The following NTNG1 variants were observed in gnomAD, a reference collection of about 807,000 sequenced individuals.
NTNG1 encodes netrin-G1.
A neutral mutation model predicts 54.0 loss-of-function variants in NTNG1; 16 were observed. The ratio of observed to expected loss-of-function variants is 0.30; its 90% CI spans 0.20 to 0.45. The LOEUF is 0.45. NTNG1 is among the 20% of genes least tolerant of loss of function. The probability of loss-of-function intolerance (pLI) is 1.00; values close to 1 mark genes in which losing one functional copy is unlikely to be tolerated. For missense variants in NTNG1, 530 were observed against 678.7 expected (o/e 0.78, Z 2.43); for synonymous variants, 255 against 263.1 (o/e 0.97, Z 0.30).
intron 2 of NTNG1, among the ~76,000 whole-genome samples, chr1:107,309,140 A>G (rs995514161): frequency 1.2e-4 from 18 of 151,934 alleles, no homozygotes; most frequent in African/African-American, 4.4e-4. Context: ...CCTCCAATCT[A>G]TCCTCCTTTC....
At chr1:107,316,631 T>G (rs1667354525) in intron 2 of NTNG1, among the ~76,000 whole-genome samples, 1 of 152,184 alleles carries the variant, frequency 6.6e-6, no homozygotes, top group Admixed American at 6.5e-5. Context: ...AAAATTACAT[T>G]GAATTATGTA....
At chr1:107,319,866 T>TATATAC (rs1667555561) in intron 2 of NTNG1, among the ~76,000 whole-genome samples, 1 of 20,382 alleles carries the variant, frequency 4.9e-5, no homozygotes, top group Non-Finnish European at 1.8e-4. Flanking sequence ...ACCTGAGGTT[T>TATATAC]ATATATATAT....
chr1:107,341,771 C>A (rs1668910250), intron 3 of NTNG1, among the ~76,000 whole-genome samples: 1 of 152,062 alleles, frequency 6.6e-6, no homozygotes, highest in African/African-American at 2.4e-5. Context: ...TTTGGGATTT[C>A]TTTTTCATAG....
intron 2 of NTNG1, among the ~76,000 whole-genome samples, chr1:107,178,704 G>A (rs1364389982): frequency 6.6e-6 from 1 of 152,178 alleles, no homozygotes; most frequent in Non-Finnish European, 1.5e-5. Flanking sequence ...CCACAATTCA[G>A]AAGGCACAGT....
chr1:107,314,542 GA>G (rs1363205148), intron 2 of NTNG1, among the ~76,000 whole-genome samples: 2 of 152,132 alleles, frequency 1.3e-5, no homozygotes, highest in Admixed American at 1.3e-4. Context: ...CTACATATAT[GA>G]GTTAACATAG....
chr1:107,288,913 A>G (rs1665394554), intron 2 of NTNG1, among the ~76,000 whole-genome samples: 1 of 152,158 alleles, frequency 6.6e-6, no homozygotes, highest in Non-Finnish European at 1.5e-5. Flanking sequence ...TTCATAGATA[A>G]AGGTCAAGAT....
chr1:107,456,028 GATAGAACGATTCCCCAGGTC>G (rs1676935154), intron 7 of NTNG1, among the ~76,000 whole-genome samples: 1 of 152,158 alleles, frequency 6.6e-6, no homozygotes. Flanking sequence ...TTCGAGAAGG[GATAGAACGATTCCCCAGGTC>G]ATAACACAGT....
intron 5 of NTNG1, among the ~76,000 whole-genome samples, chr1:107,415,878 A>G (rs971304401): frequency 4.6e-5 from 7 of 152,148 alleles, no homozygotes; most frequent in Admixed American, 3.9e-4. Context: ...AATATGCTTA[A>G]TTTACTTCTG....
intron 2 of NTNG1, among the ~76,000 whole-genome samples, chr1:107,251,411 C>A (rs773288193): frequency 1.3e-5 from 2 of 151,974 alleles, no homozygotes; most frequent in Non-Finnish European, 2.9e-5. Flanking sequence ...GGCTTTTAAA[C>A]TTTTTTTTAA....
chr1:107,158,074 C>G (rs1256264061), intron 2 of NTNG1, among the ~76,000 whole-genome samples: 3 of 152,114 alleles, frequency 2.0e-5, no homozygotes, highest in African/African-American at 7.2e-5. Context: ...TTGTCATTTA[C>G]TCTCAGGCAA....
intron 2 of NTNG1, among the ~76,000 whole-genome samples, chr1:107,297,922 T>C (rs981303672): frequency 3.9e-5 from 6 of 152,102 alleles, no homozygotes; most frequent in African/African-American, 9.7e-5. Flanking sequence ...AAGAAGAGCA[T>C]GCTACATAAT....
At chr1:107,347,382 G>A (rs560974452) in intron 3 of NTNG1, among the ~76,000 whole-genome samples, 10 of 152,182 alleles carry the variant, frequency 6.6e-5, no homozygotes, top group Non-Finnish European at 1.5e-4. Flanking sequence ...GGGCATGGTG[G>A]TGGGTGCCTG....
At chr1:107,182,770 G>T (rs1408508998) in intron 2 of NTNG1, among the ~76,000 whole-genome samples, 1 of 152,114 alleles carries the variant, frequency 6.6e-6, no homozygotes, top group Non-Finnish European at 1.5e-5. Context: ...GCATAGCATG[G>T]ATGGCAACCT....
At chr1:107,458,097 A>T (rs1394422641) in intron 7 of NTNG1, among the ~76,000 whole-genome samples, 1 of 152,166 alleles carries the variant, frequency 6.6e-6, no homozygotes, top group East Asian at 1.9e-4. Flanking sequence ...AGTGTAATTC[A>T]CCATATGCCT....
At chr1:107,169,543 G>A (rs111390062) in intron 2 of NTNG1, among the ~76,000 whole-genome samples, 146 of 152,072 alleles carry the variant, frequency 9.6e-4, no homozygotes, top group African/African-American at 3.3e-3. Context: ...AACCTCTAAT[G>A]GTGAAGGCCT....
At chr1:107,359,684 T>C (rs1670146833) in intron 3 of NTNG1, among the ~76,000 whole-genome samples, 1 of 152,132 alleles carries the variant, frequency 6.6e-6, no homozygotes, top group Admixed American at 6.5e-5. Flanking sequence ...TTTCTGTGAT[T>C]AGAAAACCTA....
intron 2 of NTNG1, among the ~76,000 whole-genome samples, chr1:107,180,043 T>A (rs1656953542): frequency 6.6e-6 from 1 of 152,194 alleles, no homozygotes; most frequent in Non-Finnish European, 1.5e-5. Flanking sequence ...CCTTGCTTCC[T>A]ACATACCAGA....
At chr1:107,446,219 G>A (rs1484475180) in intron 7 of NTNG1, among the ~76,000 whole-genome samples, 2 of 152,066 alleles carry the variant, frequency 1.3e-5, no homozygotes, top group Non-Finnish European at 2.9e-5. Context: ...AGGGTTCCCA[G>A]AAACATAAGG....
intron 2 of NTNG1, among the ~76,000 whole-genome samples, chr1:107,279,430 A>T (rs899451250): frequency 5.9e-5 from 9 of 152,162 alleles, no homozygotes; most frequent in Non-Finnish European, 1.0e-4. Context: ...AACTAGCGTG[A>T]CATCATCACT....
Sources: gnomAD v4.1 joint callset for allele counts (sites outside exome capture counted in the v4.1 genomes callset) on GRCh38, gnomAD v4.1.1 for gene constraint, MANE v1.5 for transcripts, NCBI Gene and HGNC (gene_info 2026-07-23, HGNC 2026-07-21) for gene names.